VTI1A: variants seen among roughly 807,000 people sequenced by gnomAD.
VTI1A encodes the protein vesicle transport through interaction with t-SNAREs 1A.
Under a neutral mutation model 34.9 loss-of-function variants are expected in VTI1A, and 22 were observed. The ratio of observed to expected loss-of-function variants is 0.63; its 90% confidence interval spans 0.45 to 0.90. The LOEUF (loss-of-function observed/expected upper bound fraction) is 0.90, where lower values mean the gene tolerates loss of function less well. Ranked by LOEUF, VTI1A falls within the 40% of genes least tolerant of loss-of-function variation. The probability of loss-of-function intolerance (pLI) is 0.00; values close to 1 mark genes in which losing one functional copy is unlikely to be tolerated. For missense variants in VTI1A, 268 were observed against 275.6 expected, an observed-to-expected ratio of 0.97 and a Z score of 0.20; for synonymous variants, 87 against 97.3, an observed-to-expected ratio of 0.89 and a Z score of 0.62.
intron 5 of VTI1A, among the ~76,000 whole-genome samples, chr10:112,588,992 C>A (rs1196760587): frequency 6.7e-6 from 1 of 148,384 alleles, no homozygotes; most frequent in Non-Finnish European, 1.5e-5. Context: ...ACATTCCCTA[C>A]ATATTTCAAC....
chr10:112,822,533 G>A (rs1169087573), downstream of VTI1A, among the ~76,000 whole-genome samples: 1 of 152,162 alleles, frequency 6.6e-6, no homozygotes, highest in Admixed American at 6.5e-5. Flanking sequence ...TGGCATTTGG[G>A]GAAGGACCCA....
At chr10:112,498,751 T>TTTTG (rs960014165) in intron 3 of VTI1A, among the ~76,000 whole-genome samples, 4 of 152,228 alleles carry the variant, frequency 2.6e-5, no homozygotes, top group African/African-American at 9.6e-5. Context: ...ACCATTTTTT[T>TTTTG]TTTGTTTGTT....
At chr10:112,768,730 C>A (rs1405184986) in intron 7 of VTI1A, among the ~76,000 whole-genome samples, 3 of 152,124 alleles carry the variant, frequency 2.0e-5, no homozygotes, top group African/African-American at 7.2e-5. Flanking sequence ...ATTACTAGGG[C>A]AATTGACAAC....
At chr10:112,734,760 C>A (rs1453025010) in intron 7 of VTI1A, among the ~76,000 whole-genome samples, 1 of 151,416 alleles carries the variant, frequency 6.6e-6, no homozygotes, top group Non-Finnish European at 1.5e-5. Flanking sequence ...TCAAGACATT[C>A]TCGTGCCTCA....
chr10:112,721,799 A>G (rs1849815692), intron 7 of VTI1A, among the ~76,000 whole-genome samples: 1 of 152,220 alleles, frequency 6.6e-6, no homozygotes, highest in Admixed American at 6.5e-5. Context: ...CATATAAAGA[A>G]GAATTGATCT....
intron 5 of VTI1A, among the ~76,000 whole-genome samples, chr10:112,663,149 T>C (rs1847523345): frequency 6.6e-6 from 1 of 152,236 alleles, no homozygotes; most frequent in South Asian, 2.1e-4. Flanking sequence ...GGGAGAAATA[T>C]CAGACCAAGC....
chr10:112,455,633 TC>T (rs1416752008), intron 1 of VTI1A, among the ~76,000 whole-genome samples: 2 of 126,088 alleles, frequency 1.6e-5, no homozygotes, highest in African/African-American at 6.6e-5. Flanking sequence ...CTTCCTTTGT[TC>T]CTTCCCTCCT....
At chr10:112,807,319 A>G (rs142779873) in intron 7 of VTI1A, among the ~76,000 whole-genome samples, 22 of 152,318 alleles carry the variant, frequency 1.4e-4, no homozygotes, top group African/African-American at 5.3e-4. Flanking sequence ...TTATTCTCTC[A>G]TAGTTGCGAA....
intron 5 of VTI1A, among the ~76,000 whole-genome samples, chr10:112,592,500 T>A (rs764614495): frequency 6.6e-6 from 1 of 152,214 alleles, no homozygotes; most frequent in African/African-American, 2.4e-5. Flanking sequence ...TTGATGCCAT[T>A]GAGTTTCTGC....
At chr10:112,503,009 AATAG>A (rs1478939579) in intron 3 of VTI1A, among the ~76,000 whole-genome samples, 1 of 152,206 alleles carries the variant, frequency 6.6e-6, no homozygotes, top group African/African-American at 2.4e-5. Flanking sequence ...ATTGATACAT[AATAG>A]ATGTACATAT....
chr10:112,760,596 A>G (rs530674964), intron 7 of VTI1A, among the ~76,000 whole-genome samples: 29 of 152,332 alleles, frequency 1.9e-4, no homozygotes, highest in African/African-American at 5.8e-4. Context: ...TTATTTTATT[A>G]TAAGAAAAAC....
At chr10:112,610,140 CA>C (rs1182554932) in intron 5 of VTI1A, among the ~76,000 whole-genome samples, 1 of 149,982 alleles carries the variant, frequency 6.7e-6, no homozygotes, top group African/African-American at 2.5e-5. Flanking sequence ...CTTCAGTGTT[CA>C]GGGGGAATCA....
At position 112,567,954 on chromosome 10, in the gene VTI1A, T is replaced by C. The variant is rs541343330; in HGVS notation, c.427+29624T>C. On this transcript the variant is annotated intron_variant, in intron 5 of 7. Coordinates refer to ENST00000393077, the MANE Select transcript of VTI1A (RefSeq NM_145206.4). ...ATAGGCAAAACCAGATTTCTCTTTA[T>C]ATGTTTTTGAATCTTAAAGTGACTA... is the stretch of plus-strand genomic sequence containing the variant. Among the ~76,000 whole-genome samples the C allele has an allele frequency of 3.3e-5, 5 of 152,336 alleles. No homozygotes were observed. The South Asian group carries it at 1.0e-3, about 32-fold the overall frequency.
At chr10:112,742,721 A>T (rs908209027) in intron 7 of VTI1A, among the ~76,000 whole-genome samples, 2 of 152,216 alleles carry the variant, frequency 1.3e-5, no homozygotes, top group Admixed American at 1.3e-4. Flanking sequence ...TCTCTGTTCT[A>T]TGATCATTTT....
rs1853495179 is a variant in VTI1A, at chr10:112,815,580, G to A, written c.*197G>A. On this transcript the variant is annotated 3_prime_UTR_variant, in exon 8 of 8. Transcript: ENST00000393077. ...GCATGTGGGTTGGTTTCCTTTTCGA[G>A]GTTTGTCTTCACCCAGATTCGTTTT... is the stretch of plus-strand genomic sequence containing the variant. 2.8e-5 allele frequency: 16 copies of A among 575,204 alleles called. No individual in the cohort carries two copies. Among genetic ancestry groups the A allele is most frequent in the Non-Finnish European group, 4.7e-5 (15 of 321,208 alleles). 35.6% of individuals were successfully genotyped at this position (575,204 alleles called of 1,614,324 possible). A position where few individuals can be genotyped will look rare whatever the true frequency, so the allele number is the denominator to read the frequency against.
the VTI1A span, among the ~76,000 whole-genome samples, chr10:112,848,568 C>T: frequency 2.0e-5 from 3 of 152,166 alleles, no homozygotes; most frequent in Non-Finnish European, 4.4e-5. Flanking sequence ...GCTGGAGACA[C>T]AGATCATGGC....
intron 5 of VTI1A, among the ~76,000 whole-genome samples, chr10:112,597,199 T>G (rs999746516): frequency 6.6e-6 from 1 of 152,136 alleles, no homozygotes; most frequent in African/African-American, 2.4e-5. Context: ...GGAACCTCTT[T>G]GGGCTGTGGT....
At chr10:112,504,417 A>G (rs535065784) in intron 3 of VTI1A, among the ~76,000 whole-genome samples, 2 of 152,186 alleles carry the variant, frequency 1.3e-5, no homozygotes, top group Non-Finnish European at 2.9e-5. Context: ...AAGACAGCAT[A>G]TGCTATACAC....
chr10:112,764,921 G>A (rs1851595869), intron 7 of VTI1A, among the ~76,000 whole-genome samples: 1 of 152,120 alleles, frequency 6.6e-6, no homozygotes, highest in Non-Finnish European at 1.5e-5. Flanking sequence ...TATCCTTAGA[G>A]TTAATGACTA....
Sources: gnomAD v4.1 joint callset for allele counts (sites outside exome capture counted in the v4.1 genomes callset) on GRCh38, gnomAD v4.1.1 for gene constraint, MANE v1.5 for transcripts, NCBI Gene and HGNC (gene_info 2026-07-23, HGNC 2026-07-21) for gene names.